Variants in KDM5A observed in about 807,000 individuals in gnomAD.
KDM5A encodes lysine-specific demethylase 5A.
In KDM5A, 42 loss-of-function variants were observed where a neutral mutation model predicts 193.5. The ratio of observed to expected loss-of-function variants is 0.22; its 90% CI spans 0.17 to 0.28. The LOEUF (loss-of-function observed/expected upper bound fraction) is 0.28, where lower values mean the gene tolerates loss of function less well. Among genes scored for constraint, KDM5A ranks in the 10% least tolerant of loss-of-function variants. KDM5A has a pLI of 1.00. For synonymous variants in KDM5A, 796 were observed against 718.1 expected, an observed-to-expected ratio of 1.11 and a Z score of -1.73; for missense variants, 1,692 against 2,055.1, an observed-to-expected ratio of 0.82 and a Z score of 3.42.
intron 24 of KDM5A, among the ~76,000 whole-genome samples, chr12:301,753 A>C (rs535605052): frequency 3.9e-5 from 6 of 152,216 alleles, no homozygotes; most frequent in Non-Finnish European, 8.8e-5. Flanking sequence ...CTGTTTGCAG[A>C]TGACTGTATA....
intron 13 of KDM5A, among the ~76,000 whole-genome samples, chr12:330,448 T>C (rs1204122513): frequency 1.3e-5 from 2 of 152,284 alleles, no homozygotes; most frequent in Non-Finnish European, 2.9e-5. Context: ...CATCTTTACA[T>C]ACCAGCTAAA....
In KDM5A at chr12:384,051, C is replaced by G; in HGVS notation, c.346G>C (p.Asp116His). 1.2e-6 allele frequency: 2 copies of G among 1,613,972 alleles called. No homozygotes were observed. The highest frequency in any genetic ancestry group is 1.7e-6 in the Non-Finnish European group (2 of 1,179,870). The part of the protein sequence containing the change: ...KIPVVERKIL[D>H]LYALSKIVAS... ...CTCACCTTGCTCAAAGCATACAGAT[C>G]CAGGATTTTTCTCTCTACCACAGGG... The change falls in exon 3 of 28, where the codon GAT becomes CAT. Residue 116 changes from aspartate (D) to histidine (H), a missense_variant. Physicochemically the swap from Asp to His is moderately conservative, Grantham distance 81. Coordinates refer to ENST00000399788, the MANE Select transcript of KDM5A (RefSeq NM_001042603.3).
rs1943890065 is a variant in KDM5A, at chr12:333,624, C to T, written c.1516G>A (p.Val506Met). The T allele has an allele frequency of 6.2e-7, 1 of 1,613,976 alleles. No individual in the cohort carries two copies. Among genetic ancestry groups the T allele is most frequent in the African/African-American group, 1.3e-5 (1 of 74,910 alleles). The change falls in exon 12 of 28, where the codon GTG (valine) becomes ATG (methionine). Residue 506 changes from valine (V) to methionine (M), a missense_variant. Physicochemically the swap from Val to Met is conservative, Grantham distance 21 (BLOSUM62 1). This residue lies in a region of KDM5A where 172 missense variants were observed against 260.3 expected (regional missense o/e 0.66). Transcript: ENST00000399788. The stretch of plus-strand genomic sequence containing the variant: ...AGTTGCTCTGCAGCATGAGATGGCA[C>T]ACCATACCATGTCTTTGGCTCCCCC... Reference protein sequence around the residue: ...HWGEPKTWYGVPSHAAEQLEE... With the variant: ...HWGEPKTWYGMPSHAAEQLEE...
At chr12:337,407 A>T (rs1943947981) in intron 10 of KDM5A, among the ~76,000 whole-genome samples, 1 of 152,206 alleles carries the variant, frequency 6.6e-6, no homozygotes, top group Non-Finnish European at 1.5e-5. Flanking sequence ...ACATTCTAGG[A>T]GGAAGAGCTA....
At chr12:331,765 T>C in intron 13 of KDM5A, 54 bp downstream of exon 13, 7 of 1,609,242 alleles carry the variant, frequency 4.3e-6, no homozygotes, top group Non-Finnish European at 6.0e-6. Context: ...TAAGCTGCTT[T>C]ATATTTATAG....
chr12:328,772 T>C, intron 14 of KDM5A, 63 bp downstream of exon 14: 2 of 1,458,292 alleles, frequency 1.4e-6, no homozygotes, highest in Non-Finnish European at 1.9e-6. Flanking sequence ...ATTCTACCTA[T>C]AGGTTTATTT....
At chr12:353,816 G>A (rs766022407) in intron 8 of KDM5A, among the ~76,000 whole-genome samples, 35 of 151,844 alleles carry the variant, frequency 2.3e-4, no homozygotes, top group African/African-American at 6.3e-4. Flanking sequence ...CAGCTACTTC[G>A]GAGGCTGAGG....
intron 18 of KDM5A, among the ~76,000 whole-genome samples, chr12:319,094 A>G (rs985633713): frequency 2.0e-5 from 3 of 152,236 alleles, no homozygotes; most frequent in Non-Finnish European, 4.4e-5. Flanking sequence ...AAATAAGCAG[A>G]GGTCAGACTA....
intron 10 of KDM5A, among the ~76,000 whole-genome samples, chr12:342,772 T>C (rs61907029): frequency 6.9e-6 from 1 of 144,738 alleles, no homozygotes; most frequent in Non-Finnish European, 1.5e-5. Context: ...TAAAATGTGA[T>C]TTAAAAAAAA....
chr12:381,082 C>A (rs1390135307), intron 3 of KDM5A, among the ~76,000 whole-genome samples: 1 of 152,124 alleles, frequency 6.6e-6, no homozygotes, highest in African/African-American at 2.4e-5. Context: ...ACAACCTCCA[C>A]CTCCCGGGTT....
intron 10 of KDM5A, among the ~76,000 whole-genome samples, chr12:334,791 G>C (rs1464500667): frequency 1.3e-5 from 2 of 152,028 alleles, no homozygotes; most frequent in East Asian, 3.8e-4. Flanking sequence ...TATATTGATA[G>C]AATGGTGCTA....
chr12:352,343 T>C lies in KDM5A; in HGVS notation c.1030-19A>G, dbSNP rs1591927215. The C allele has an allele frequency of 6.2e-7, 1 of 1,609,750 alleles. No individual in the cohort carries two copies. Among genetic ancestry groups the C allele is most frequent in the Non-Finnish European group, 8.5e-7 (1 of 1,176,118 alleles). The stretch of plus-strand genomic sequence containing the variant: ...TACATTCCTGGAAAGAAAAAATATG[T>C]AAGATTAACTTACTGAAACTAAACT... On this transcript the variant is annotated intron_variant, in intron 8 of 27. Transcript: ENST00000399788.
chr12:377,886 G>T (rs1404370395), intron 3 of KDM5A, among the ~76,000 whole-genome samples: 5 of 152,076 alleles, frequency 3.3e-5, no homozygotes, highest in African/African-American at 1.2e-4. Flanking sequence ...CAGGAAGAAT[G>T]GCTCCAAGAA....
chr12:280,601 T>C lies in KDM5A; in HGVS notation c.*4855A>G, dbSNP rs74790561. On this transcript the variant is annotated 3_prime_UTR_variant, in exon 28 of 28. Coordinates refer to ENST00000399788, the MANE Select transcript of KDM5A (RefSeq NM_001042603.3). ...TTCATATCTGCATAAGCTGGGATCC[T>C]TGGCAATGGGGAAAAGGTGCCATTT... 0.012 allele frequency: 2,770 copies of C among 233,146 alleles called. 24 individuals are homozygous for C. Among genetic ancestry groups the C allele is most frequent in the Middle Eastern group, 0.02 (16 of 786 alleles). The allele number at this position is 233,146 out of a possible 1,614,324, so 14.4% of individuals were successfully genotyped here.
intron 20 of KDM5A, among the ~76,000 whole-genome samples, chr12:311,808 C>T (rs1028993782): frequency 1.5e-4 from 23 of 152,196 alleles, no homozygotes; most frequent in African/African-American, 5.1e-4. Flanking sequence ...CCAAGACAGG[C>T]GGATCACCTG....
At chr12:383,973 T>A in intron 3 of KDM5A, 58 bp downstream of exon 3, 1 of 1,559,532 alleles carries the variant, frequency 6.4e-7, no homozygotes, top group Admixed American at 1.7e-5. Context: ...CCAAATCTAT[T>A]TGATATTCCT....
At chr12:314,574 G>A (rs1184291439) in intron 19 of KDM5A, among the ~76,000 whole-genome samples, 2 of 152,158 alleles carry the variant, frequency 1.3e-5, no homozygotes, top group Admixed American at 1.3e-4. Context: ...ATAAATGAAA[G>A]TAAAAGTGCT....
At chr12:359,805 G>GGCAA (rs1429454257) in intron 5 of KDM5A, among the ~76,000 whole-genome samples, 1 of 147,668 alleles carries the variant, frequency 6.8e-6, no homozygotes, top group Non-Finnish European at 1.5e-5. Flanking sequence ...GAAGAAGGGA[G>GGCAA]GGAGGGAGAA....
chr12:366,461 T>C (rs561041075), intron 3 of KDM5A, among the ~76,000 whole-genome samples: 4 of 152,060 alleles, frequency 2.6e-5, no homozygotes, highest in African/African-American at 9.7e-5. Flanking sequence ...AAAATAGATA[T>C]GAAAATAAAT....
Sources: gnomAD v4.1 joint callset for allele counts (sites outside exome capture counted in the v4.1 genomes callset) on GRCh38, gnomAD v4.1.1 for gene constraint, gnomAD v4.1.1 regional missense constraint, MANE v1.5 for transcripts, NCBI Gene and HGNC (gene_info 2026-07-23, HGNC 2026-07-21) for gene names.